Variants in DPYS observed in about 807,000 individuals in gnomAD.
DPYS encodes the protein dihydropyrimidine amidohydrolase.
A neutral mutation model predicts 50.3 loss-of-function variants in DPYS; 39 were observed. That is an observed-to-expected ratio of 0.78 (90% confidence interval 0.60 to 1.01). DPYS has a LOEUF of 1.01. Ranked by LOEUF, DPYS falls within the 50% of genes least tolerant of loss-of-function variation. The pLI is 0.00. For synonymous variants in DPYS, 245 were observed against 250.7 expected, an observed-to-expected ratio of 0.98 and a Z score of 0.22; for missense variants, 659 against 680.9, an observed-to-expected ratio of 0.97 and a Z score of 0.36.
In DPYS at chr8:104,466,762, G is replaced by T. The variant is rs375043330; in HGVS notation, c.159C>A (p.Asp53Glu). ...CGGGCAGGACGAGCTTGCCGGCGGC[G>T]TCGAGGACCCGCAGCCCCGCAGGAG... ...GGAPAGLRVL[D>E]AAGKLVLPGG... is the part of the protein sequence containing the mutation. The change falls in exon 1 of 10, where the codon GAC becomes GAA. Residue 53 changes from aspartate (D) to glutamate (E), a missense_variant. By Grantham distance (45) the Asp-to-Glu change is conservative (BLOSUM62 2). Coordinates refer to ENST00000351513, the MANE Select transcript of DPYS (RefSeq NM_001385.3). The T allele has an allele frequency of 6.5e-7, 1 of 1,534,828 alleles. No individual in the cohort carries two copies. The highest frequency in any genetic ancestry group is 8.7e-7 in the Non-Finnish European group (1 of 1,145,840).
intron 7 of DPYS, among the ~76,000 whole-genome samples, chr8:104,404,556 CTG>C (rs747495430): frequency 5.3e-4 from 81 of 152,366 alleles, no homozygotes; most frequent in Admixed American, 3.6e-3. Flanking sequence ...TGTCTGAAGA[CTG>C]TGCCGTGGAA....
At chr8:104,410,781 T>A (rs193255388) in intron 7 of DPYS, among the ~76,000 whole-genome samples, 1 of 152,272 alleles carries the variant, frequency 6.6e-6, no homozygotes, top group East Asian at 1.9e-4. Flanking sequence ...ACAAATCTCA[T>A]CTTCAACTCC....
At chr8:104,405,608 A>C (rs1041327418) in intron 7 of DPYS, among the ~76,000 whole-genome samples, 9 of 152,224 alleles carry the variant, frequency 5.9e-5, no homozygotes, top group African/African-American at 2.2e-4. Context: ...CCCAATTAGC[A>C]ACTAAGTTGT....
intron 8 of DPYS, among the ~76,000 whole-genome samples, chr8:104,388,556 A>T (rs928165648): frequency 1.3e-5 from 2 of 152,214 alleles, no homozygotes; most frequent in Non-Finnish European, 2.9e-5. Flanking sequence ...TCTCTTGAAC[A>T]TCCAAGTTGC....
At chr8:104,431,540 A>T (rs542368146) in intron 4 of DPYS, among the ~76,000 whole-genome samples, 2 of 152,186 alleles carry the variant, frequency 1.3e-5, no homozygotes, top group South Asian at 2.1e-4. Flanking sequence ...AGGACTAAAA[A>T]GCATGCAAGA....
intron 7 of DPYS, among the ~76,000 whole-genome samples, chr8:104,412,067 C>G (rs147536468): frequency 3.9e-5 from 6 of 152,208 alleles, no homozygotes; most frequent in African/African-American, 1.4e-4. Flanking sequence ...GCACAGGCCA[C>G]TTTTTGGGGA....
rs189308798 is a variant in DPYS at position 104,437,366 on chromosome 8, C to T, written c.793+6882G>A. Reference sequence around the variant, plus strand: ...AACAGGATGTGGTAAAGAAGCTGGCCAAAACCCACCAAAACCAAAATGACA... The same window carrying T: ...AACAGGATGTGGTAAAGAAGCTGGCTAAAACCCACCAAAACCAAAATGACA... On this transcript the variant is annotated intron_variant, in intron 4 of 9. Coordinates refer to ENST00000351513, the MANE Select transcript of DPYS (RefSeq NM_001385.3). 2.6e-3 allele frequency among the ~76,000 whole-genome samples: 398 copies of T among 152,190 alleles called. 2 individuals carry two copies. The highest frequency in any genetic ancestry group is 8.7e-3 in the African/African-American group (363 of 41,520).
chr8:104,432,027 G>C (rs1054395316), intron 4 of DPYS, among the ~76,000 whole-genome samples: 4 of 152,148 alleles, frequency 2.6e-5, no homozygotes, highest in African/African-American at 9.7e-5. Flanking sequence ...TGGCAATGAA[G>C]AGTGCTCTAT....
chr8:104,383,604 C>CT (rs59669284), intron 8 of DPYS, among the ~76,000 whole-genome samples: 39,129 of 141,654 alleles, frequency 0.28, 6,922 homozygotes, highest in African/African-American at 0.49. Flanking sequence ...CCAGGCTGTA[C>CT]TTTTTTTTTT....
chr8:104,458,123 C>T (rs1367071587), intron 1 of DPYS, among the ~76,000 whole-genome samples: 3 of 152,098 alleles, frequency 2.0e-5, no homozygotes, highest in Non-Finnish European at 4.4e-5. Context: ...AGTTCAGTCC[C>T]CAGAAAATCC....
chr8:104,398,938 C>A (rs1338974539), intron 7 of DPYS, among the ~76,000 whole-genome samples: 1 of 152,184 alleles, frequency 6.6e-6, no homozygotes, highest in Admixed American at 6.5e-5. Context: ...AGCTGATGGG[C>A]CTCATGTCAT....
intron 7 of DPYS, among the ~76,000 whole-genome samples, chr8:104,397,493 G>C (rs2140532244): frequency 6.6e-6 from 1 of 152,302 alleles, no homozygotes; most frequent in East Asian, 1.9e-4. Flanking sequence ...ACAGAACACT[G>C]AAGTAAATGA....
intron 4 of DPYS, among the ~76,000 whole-genome samples, chr8:104,438,982 T>C (rs1229401149): frequency 2.0e-5 from 3 of 151,860 alleles, no homozygotes; most frequent in South Asian, 4.2e-4. Flanking sequence ...GGCAGGAAGA[T>C]TGCTTGAGCC....
chr8:104,421,232 A>C (rs1812530252), intron 7 of DPYS: 1 of 152,254 alleles, frequency 6.6e-6, no homozygotes, highest in Non-Finnish European at 1.5e-5. Flanking sequence ...AGACACACAT[A>C]CAAAAATGTA....
intron 4 of DPYS, among the ~76,000 whole-genome samples, chr8:104,431,325 A>G (rs1040343764): frequency 6.6e-6 from 1 of 151,930 alleles, no homozygotes; most frequent in African/African-American, 2.4e-5. Context: ...AAACCAGATG[A>G]CAGGTAATTT....
chr8:104,434,183 C>A (rs2140665732), intron 4 of DPYS, among the ~76,000 whole-genome samples: 1 of 152,118 alleles, frequency 6.6e-6, no homozygotes, highest in South Asian at 2.1e-4. Context: ...TTCTGATTGG[C>A]AATTGGTTGA....
In DPYS at chr8:104,392,086, C is replaced by A. The variant is rs562141158; in HGVS notation, c.1443+698G>T. Among the ~76,000 whole-genome samples, 3 of 152,288 alleles carry A rather than the reference C, an allele frequency of 2.0e-5. No individual in the cohort carries two copies. In the East Asian group the frequency reaches 5.8e-4, roughly 29 times the overall value. ...AAGAGAGAATTTAGGTCTTCTCCAG[C>A]CCAAAACTCCACCATTGCTCTGGTG... On this transcript the variant is annotated intron_variant, in intron 8 of 9. Coordinates refer to ENST00000351513, the MANE Select transcript of DPYS (RefSeq NM_001385.3).
At chr8:104,426,622 A>G (rs569894580) in intron 6 of DPYS, among the ~76,000 whole-genome samples, 1 of 152,316 alleles carries the variant, frequency 6.6e-6, no homozygotes, top group African/African-American at 2.4e-5. Flanking sequence ...GTGAGATATA[A>G]TTAATGTGTC....
chr8:104,422,937 C>G (rs1184354848), intron 7 of DPYS, among the ~76,000 whole-genome samples: 1 of 152,188 alleles, frequency 6.6e-6, no homozygotes, highest in Non-Finnish European at 1.5e-5. Flanking sequence ...AAAATCCAAG[C>G]AATTTTTTTT....
Sources: gnomAD v4.1 joint callset for allele counts (sites outside exome capture counted in the v4.1 genomes callset) on GRCh38, gnomAD v4.1.1 for gene constraint, MANE v1.5 for transcripts, NCBI Gene and HGNC (gene_info 2026-07-23, HGNC 2026-07-21) for gene names.